Variants in PCDHGA12 observed in about 807,000 individuals in gnomAD.
PCDHGA12 encodes the protein protocadherin gamma subfamily A, 12, also known as protocadherin gamma-A12.
A neutral mutation model predicts 61.1 loss-of-function variants in PCDHGA12; 43 were observed. That is an observed-to-expected ratio of 0.70 (90% confidence interval 0.55 to 0.91). PCDHGA12 has a LOEUF of 0.91. PCDHGA12 is among the 40% of genes least tolerant of loss of function. The pLI is 0.00. For missense variants in PCDHGA12, 1,236 were observed against 1,227.7 expected (o/e 1.01, Z -0.10); for synonymous variants, 520 against 542.9 (o/e 0.96, Z 0.59).
rs1176011355 is a variant in PCDHGA12, at chr5:141,485,491, G to C, written c.2425-9316G>C. Reference sequence around the variant, plus strand: ...TCAGTGCCAGCTGCATCGTGCCCCTGGAGTTTGTCACCGAAGGTCCTTTGG... The same window carrying C: ...TCAGTGCCAGCTGCATCGTGCCCCTCGAGTTTGTCACCGAAGGTCCTTTGG... On this transcript the variant is annotated intron_variant, in intron 1 of 3. Coordinates refer to ENST00000252085, the MANE Select transcript of PCDHGA12 (RefSeq NM_003735.3). This position sits in a 1 kb window ranked among gnomAD's most constrained non-coding sequence, Gnocchi z 5.7. 6.2e-7 allele frequency: 1 copy of C among 1,614,142 alleles called. No homozygotes were observed. The highest frequency in any genetic ancestry group is 1.3e-5 in the African/African-American group (1 of 75,018).
intron 1 of PCDHGA12, among the ~76,000 whole-genome samples, chr5:141,464,203 T>G (rs2099077714): frequency 6.6e-6 from 1 of 150,780 alleles, no homozygotes; most frequent in South Asian, 2.1e-4. Flanking sequence ...AGGCGGAGAT[T>G]GCAGTGAGCT....
rs766182165 is a variant in PCDHGA12 at position 141,478,048 on chromosome 5, C to T, written c.2425-16759C>T. ...ACACAGATTCACCCAGGCAGACTCT[C>T]ACGGTCTTGATCAAAGACAATGGGG... On this transcript the variant is annotated intron_variant, in intron 1 of 3. Transcript: ENST00000252085. 5.6e-6 allele frequency: 9 copies of T among 1,614,040 alleles called. No homozygotes were observed. In the Admixed American group the frequency reaches 1.0e-4, roughly 18 times the overall value.
At chr5:141,466,004 C>T (rs1336655723) in intron 1 of PCDHGA12, among the ~76,000 whole-genome samples, 1 of 151,920 alleles carries the variant, frequency 6.6e-6, no homozygotes, top group Non-Finnish European at 1.5e-5. Flanking sequence ...CACCTGTAGT[C>T]CCAGCTACTC....
intron 1 of PCDHGA12, among the ~76,000 whole-genome samples, chr5:141,452,356 C>G (rs1008914676): frequency 6.6e-6 from 1 of 152,148 alleles, no homozygotes; most frequent in African/African-American, 2.4e-5. Flanking sequence ...ATCCAAAAGC[C>G]TTGCTTCATT....
At position 141,473,628 on chromosome 5, in the gene PCDHGA12, A is replaced by T. The variant is rs533175704; in HGVS notation, c.2425-21179A>T. The stretch of plus-strand genomic sequence containing the variant: ...AAAGCAAAGGGAGGGAGGAAAAAGC[A>T]GCTTTCCTGGCAAAGGAACAATTTG... On this transcript the variant is annotated intron_variant, in intron 1 of 3. Transcript: ENST00000252085. 4.6e-5 allele frequency among the ~76,000 whole-genome samples: 7 copies of T among 152,334 alleles called. No individual in the cohort carries two copies. In the South Asian group the frequency reaches 1.4e-3, roughly 32 times the overall value.
intron 1 of PCDHGA12, among the ~76,000 whole-genome samples, chr5:141,462,550 A>G (rs1485478117): frequency 6.6e-6 from 1 of 151,942 alleles, no homozygotes; most frequent in East Asian, 1.9e-4. Flanking sequence ...TTTCTTCTTC[A>G]GTGTTTACTG....
intron 1 of PCDHGA12, among the ~76,000 whole-genome samples, chr5:141,442,784 A>C (rs1267270442): frequency 2.0e-5 from 3 of 152,212 alleles, no homozygotes; most frequent in Non-Finnish European, 4.4e-5. Flanking sequence ...ATTATATTTT[A>C]TAATTTTACT....
rs76825883 is a variant in PCDHGA12, at chr5:141,433,317, C to T, written c.2424+134C>T. The T allele has an allele frequency of 1.4e-3, 1,163 of 830,944 alleles. 6 individuals are homozygous for T. In the African/African-American group the frequency reaches 0.015, roughly 11 times the overall value. 51.5% of individuals were successfully genotyped at this position (830,944 alleles called of 1,614,324 possible). A position where few individuals can be genotyped will look rare whatever the true frequency, so the allele number is the denominator to read the frequency against. On this transcript the variant is annotated intron_variant, in intron 1 of 3. Transcript: ENST00000252085. ...CAAGCAATTATCCCACCTTTGCCTC[C>T]GGTGTAACAGGGACTACAGGTGCAA... is the stretch of plus-strand genomic sequence containing the variant.
chr5:141,466,885 G>A (rs997982577), intron 1 of PCDHGA12, among the ~76,000 whole-genome samples: 3 of 151,938 alleles, frequency 2.0e-5, no homozygotes, highest in Non-Finnish European at 4.4e-5. Context: ...TTCATAATAT[G>A]CATTTTCCAT....
Position 141,430,795 on chromosome 5 carries a change from G to T in PCDHGA12, c.36G>T (p.Gly12=), listed in dbSNP as rs918154748. ...CGCGACTGCACCGGGACTACAAAGGGCTTGTCCTGCTGGGAATCCTCCTGG... is the reference window on the plus strand; with the variant it reads ...CGCGACTGCACCGGGACTACAAAGGTCTTGTCCTGCTGGGAATCCTCCTGG... ...IPARLHRDYK[G]LVLLGILLGT... The change falls in exon 1 of 4, where the codon GGG becomes GGT. Residue 12 remains glycine, a synonymous_variant. Transcript: ENST00000252085. 7 of 1,522,458 alleles carry T rather than the reference G, an allele frequency of 4.6e-6. No homozygotes were observed. Among genetic ancestry groups the T allele is most frequent in the Non-Finnish European group, 6.2e-6 (7 of 1,137,910 alleles). The allele number at this position is 1,522,458 out of a possible 1,614,324, so 94.3% of individuals were successfully genotyped here.
chr5:141,486,150 G>T lies in PCDHGA12; in HGVS notation c.2425-8657G>T. The T allele has an allele frequency of 6.2e-7, 1 of 1,614,180 alleles. No individual in the cohort carries two copies. The highest frequency in any genetic ancestry group is 8.5e-7 in the Non-Finnish European group (1 of 1,180,030). On this transcript the variant is annotated intron_variant, in intron 1 of 3. Transcript: ENST00000252085. This position sits in a 1 kb window ranked among gnomAD's most constrained non-coding sequence, Gnocchi z 5.0. The stretch of plus-strand genomic sequence containing the variant: ...TTTGATGTGCGGGCTCGCGATGGGG[G>T]TTCTCCAGCCATGGAGCAACATTGC...
At position 141,447,667 on chromosome 5, in the gene PCDHGA12, G is replaced by A. The variant is rs115529144; in HGVS notation, c.2424+14484G>A. 2.4e-3 allele frequency among the ~76,000 whole-genome samples: 372 copies of A among 152,278 alleles called. 2 individuals are homozygous for A. Among genetic ancestry groups the A allele is most frequent in the African/African-American group, 8.6e-3 (358 of 41,546 alleles). The stretch of plus-strand genomic sequence containing the variant: ...TAGAATTTTCCCCCCCAGGAAGTTA[G>A]AACTGTTCCATATCTTGATAGAGGG... On this transcript the variant is annotated intron_variant, in intron 1 of 3. Transcript: ENST00000252085.
intron 1 of PCDHGA12, among the ~76,000 whole-genome samples, chr5:141,436,477 G>A (rs748354852): frequency 1.3e-5 from 2 of 152,168 alleles, no homozygotes; most frequent in Non-Finnish European, 2.9e-5. Context: ...ATGTATCATA[G>A]AAGGATAGCA....
At position 141,463,610 on chromosome 5, in the gene PCDHGA12, G is replaced by T. The variant is rs189991450; in HGVS notation, c.2424+30427G>T. Among the ~76,000 whole-genome samples, 263 of 151,786 alleles carry T rather than the reference G, an allele frequency of 1.7e-3. 1 individual carries two copies. The highest frequency in any genetic ancestry group is 3.4e-3 in the Middle Eastern group (1 of 292). ...ACTACAGGTGCCTGCCACCATGCCC[G>T]GCTAATTTTTTGTATTTTGTTTAGT... On this transcript the variant is annotated intron_variant, in intron 1 of 3. Transcript: ENST00000252085.
intron 1 of PCDHGA12, among the ~76,000 whole-genome samples, chr5:141,451,579 A>T (rs1222576609): frequency 6.6e-6 from 1 of 152,084 alleles, no homozygotes; most frequent in African/African-American, 2.4e-5. Flanking sequence ...TTATAAACCT[A>T]ATTTTGAAAG....
chr5:141,438,955 C>T (rs965336489), intron 1 of PCDHGA12, among the ~76,000 whole-genome samples: 3 of 151,926 alleles, frequency 2.0e-5, no homozygotes, highest in Non-Finnish European at 4.4e-5. Flanking sequence ...CATGAGCCAC[C>T]GCACCCTGCC....
intron 1 of PCDHGA12, among the ~76,000 whole-genome samples, chr5:141,459,937 G>A (rs904431112): frequency 6.6e-6 from 1 of 152,132 alleles, no homozygotes; most frequent in Non-Finnish European, 1.5e-5. Flanking sequence ...TTGTAGCTGG[G>A]CGTGATGGCA....
chr5:141,450,828 TA>T lies in PCDHGA12; in HGVS notation c.2424+17646del, dbSNP rs1427656987. Among the ~76,000 whole-genome samples the T allele has an allele frequency of 7.8e-4, 110 of 141,058 alleles. 1 individual carries two copies. The highest frequency in any genetic ancestry group is 1.8e-3 in the African/African-American group (65 of 36,868). The allele number at this position is 141,058 out of a possible 152,430, so 92.5% of individuals were successfully genotyped here. A position where few individuals can be genotyped will look rare whatever the true frequency, so the allele number is the denominator to read the frequency against. ...TTTATTTATTTAATATTATTATTAT[TA>T]TTTTTTTTTTTTTGAGATGGGGTCT... On this transcript the variant is annotated intron_variant, in intron 1 of 3. Transcript: ENST00000252085.
At chr5:141,453,490 G>T (rs921556476) in intron 1 of PCDHGA12, among the ~76,000 whole-genome samples, 3 of 151,922 alleles carry the variant, frequency 2.0e-5, no homozygotes, top group African/African-American at 7.3e-5. Context: ...TTAAAAAAAG[G>T]TGTACTCAGA....
Sources: gnomAD v4.1 joint callset for allele counts (sites outside exome capture counted in the v4.1 genomes callset) on GRCh38, gnomAD v4.1.1 for gene constraint, Gnocchi (gnomAD v3.1) non-coding constraint, MANE v1.5 for transcripts, NCBI Gene and HGNC (gene_info 2026-07-23, HGNC 2026-07-21) for gene names.